PRMT3: variants seen among roughly 807,000 people sequenced by gnomAD.
PRMT3 encodes protein arginine N-methyltransferase 3.
Under a neutral mutation model 71.9 loss-of-function variants are expected in PRMT3, and 62 were observed. That is an observed-to-expected ratio of 0.86 (90% CI 0.70 to 1.07). PRMT3 has a LOEUF of 1.07. Among genes scored for constraint, PRMT3 ranks in the 50% least tolerant of loss-of-function variants. PRMT3 has a pLI of 0.00. For missense variants in PRMT3, 663 were observed against 643.0 expected, an observed-to-expected ratio of 1.03 and a Z score of -0.34; for synonymous variants, 213 against 220.4, an observed-to-expected ratio of 0.97 and a Z score of 0.30.
chr11:20,456,803 G>T (rs1850276819), intron 11 of PRMT3, among the ~76,000 whole-genome samples: 1 of 152,076 alleles, frequency 6.6e-6, no homozygotes, highest in Admixed American at 6.6e-5. Flanking sequence ...ATTTGGAATT[G>T]GAATGATCAG....
intron 12 of PRMT3, among the ~76,000 whole-genome samples, chr11:20,462,480 T>C (rs570768491): frequency 6.6e-6 from 1 of 152,342 alleles, no homozygotes; most frequent in South Asian, 2.1e-4. Flanking sequence ...TCAGTTCTGC[T>C]TCATCATCCT....
chr11:20,481,632 C>G (rs1477532771), intron 13 of PRMT3, among the ~76,000 whole-genome samples: 3 of 151,990 alleles, frequency 2.0e-5, no homozygotes, highest in African/African-American at 7.2e-5. Flanking sequence ...AGATTTTTCC[C>G]ATATGACTTA....
intron 5 of PRMT3, among the ~76,000 whole-genome samples, chr11:20,393,583 A>G (rs542955953): frequency 6.6e-6 from 1 of 152,354 alleles, no homozygotes; most frequent in Admixed American, 6.5e-5. Context: ...TGATTTGAAC[A>G]TCCTGAGACA....
intron 15 of PRMT3, among the ~76,000 whole-genome samples, chr11:20,502,296 G>A (rs111797010): frequency 1.3e-5 from 2 of 152,264 alleles, no homozygotes; most frequent in African/African-American, 4.8e-5. Flanking sequence ...CTTTAGTTAG[G>A]TCTGAACAAT....
chr11:20,441,436 G>T (rs915346641), intron 10 of PRMT3, among the ~76,000 whole-genome samples: 2 of 151,892 alleles, frequency 1.3e-5, no homozygotes, highest in Non-Finnish European at 2.9e-5. Flanking sequence ...TTCCTGAGTA[G>T]CTGGGACTAT....
rs1391298194 is a variant in PRMT3, at chr11:20,395,519, A to AT, written c.401-271dup. 9.2e-3 allele frequency among the ~76,000 whole-genome samples: 1,310 copies of AT among 142,254 alleles called. 18 individuals carry two copies. The highest frequency in any genetic ancestry group is 0.026 in the African/African-American group (1,014 of 38,862). The allele number at this position is 142,254 out of a possible 152,430, so 93.3% of individuals were successfully genotyped here. A position where few individuals can be genotyped will look rare whatever the true frequency, so the allele number is the denominator to read the frequency against. The stretch of plus-strand genomic sequence containing the variant: ...TCACCAGACCTGGCTAACTTTTTGT[A>AT]TTTTTTTTTTTTTAGTAGAGATAAG... On this transcript the variant is annotated intron_variant, in intron 5 of 15. Coordinates refer to ENST00000331079, the MANE Select transcript of PRMT3 (RefSeq NM_005788.4).
intron 10 of PRMT3, among the ~76,000 whole-genome samples, chr11:20,427,067 A>G (rs1488064250): frequency 1.6e-4 from 24 of 152,146 alleles, no homozygotes; most frequent in Non-Finnish European, 2.1e-4. Context: ...AATGGCCCTT[A>G]TTTATTGGCT....
At chr11:20,498,549 C>A (rs111957783) in intron 15 of PRMT3, among the ~76,000 whole-genome samples, 5,422 of 152,086 alleles carry the variant, frequency 0.036, 290 homozygotes, top group African/African-American at 0.12. Context: ...GGCAACATGG[C>A]GAAATCCCAT....
chr11:20,396,360 C>T (rs562276951), intron 6 of PRMT3, among the ~76,000 whole-genome samples: 4 of 152,120 alleles, frequency 2.6e-5, no homozygotes, highest in African/African-American at 9.6e-5. Context: ...AAATGTAGGC[C>T]GGGTGCGGTG....
intron 15 of PRMT3, among the ~76,000 whole-genome samples, chr11:20,499,487 T>C (rs1851408203): frequency 2.0e-5 from 3 of 152,054 alleles, no homozygotes; most frequent in Admixed American, 6.6e-5. Flanking sequence ...ATTAGCCAAG[T>C]GTGGTGGCAC....
chr11:20,391,533 G>C lies in PRMT3; in HGVS notation c.248-678G>C, dbSNP rs142996226. ...GCTGGGGTTACAGGCATGAGCCACT[G>C]TGCCCAGCCTTAATGTTTTTAATGT... On this transcript the variant is annotated intron_variant, in intron 3 of 15. Coordinates refer to ENST00000331079, the MANE Select transcript of PRMT3 (RefSeq NM_005788.4). Among the ~76,000 whole-genome samples, 25 of 152,246 alleles carry C rather than the reference G, an allele frequency of 1.6e-4. No individual in the cohort carries two copies. The East Asian group carries it at 4.2e-3, about 26-fold the overall frequency.
chr11:20,440,908 T>C (rs1187210062), intron 10 of PRMT3, among the ~76,000 whole-genome samples: 1 of 152,146 alleles, frequency 6.6e-6, no homozygotes, highest in African/African-American at 2.4e-5. Flanking sequence ...GTTTTTAATA[T>C]TGATAAAGTC....
chr11:20,444,311 T>C (rs977508017), intron 10 of PRMT3, among the ~76,000 whole-genome samples: 1 of 152,176 alleles, frequency 6.6e-6, no homozygotes, highest in Admixed American at 6.5e-5. Context: ...ATTTAACAAA[T>C]AGTGTGGCTA....
At chr11:20,478,524 C>A in intron 13 of PRMT3, among the ~76,000 whole-genome samples, 1 of 147,660 alleles carries the variant, frequency 6.8e-6, no homozygotes. Context: ...GAGTGAGAAC[C>A]TGTCTCTTTA....
At chr11:20,407,769 G>A (rs868541459) in intron 8 of PRMT3, 142 bp from the exon 9 acceptor site, 48 of 756,364 alleles carry the variant, frequency 6.3e-5, no homozygotes, top group Admixed American at 5.1e-4. Flanking sequence ...GATTACAGGC[G>A]TGAGCCACCG....
At chr11:20,499,825 AG>A (rs1851416302) in intron 15 of PRMT3, among the ~76,000 whole-genome samples, 1 of 152,196 alleles carries the variant, frequency 6.6e-6, no homozygotes, top group African/African-American at 2.4e-5. Context: ...GCCTCCAGGA[AG>A]CACACTTTAA....
intron 10 of PRMT3, among the ~76,000 whole-genome samples, chr11:20,434,173 C>T (rs528530121): frequency 6.6e-6 from 1 of 152,242 alleles, no homozygotes; most frequent in South Asian, 2.1e-4. Flanking sequence ...CATGCATGTC[C>T]TCTTTAGAAA....
chr11:20,483,749 T>C (rs1851003170), intron 13 of PRMT3, among the ~76,000 whole-genome samples: 1 of 152,164 alleles, frequency 6.6e-6, no homozygotes, highest in Admixed American at 6.6e-5. Flanking sequence ...TATAATAGAA[T>C]AGCAGAGGCA....
intron 9 of PRMT3, among the ~76,000 whole-genome samples, chr11:20,424,115 T>C (rs1313119363): frequency 6.9e-6 from 1 of 144,422 alleles, no homozygotes; most frequent in Non-Finnish European, 1.5e-5. Flanking sequence ...ACCCGGGAGG[T>C]GGAGCTTACA....
Sources: allele counts gnomAD v4.1 joint callset (sites outside exome capture counted in the v4.1 genomes callset), GRCh38; gene constraint gnomAD v4.1.1; transcripts MANE v1.5; gene names NCBI Gene and HGNC (gene_info 2026-07-23, HGNC 2026-07-21).